Variants in ENOX2 observed in about 807,000 individuals in gnomAD.
ENOX2 encodes the protein ecto-NOX disulfide-thiol exchanger 2.
In ENOX2, 36 loss-of-function variants were observed where a neutral mutation model predicts 45.0. The observed-to-expected ratio is 0.80, with a 90% CI of 0.61 to 1.06. The LOEUF is 1.06. ENOX2 is among the 50% of genes least tolerant of loss of function. The probability of loss-of-function intolerance (pLI) is 0.00; values close to 1 mark genes in which losing one functional copy is unlikely to be tolerated. For missense variants in ENOX2, 423 were observed against 462.5 expected (o/e 0.91, Z 0.78); for synonymous variants, 174 against 152.3 (o/e 1.14, Z -1.05).
At chrX:130,727,753 A>T (rs1466140518) in intron 3 of ENOX2, among the ~76,000 whole-genome samples, 1 of 111,977 alleles carries the variant, frequency 8.9e-6, no homozygotes, top group Non-Finnish European at 1.9e-5. Flanking sequence ...AGCAGGATGT[A>T]GTTAGAGGTG....
At chrX:130,676,754 C>T (rs192566485) in intron 6 of ENOX2, among the ~76,000 whole-genome samples, 22 of 111,586 alleles carry the variant, frequency 2.0e-4, no homozygotes, top group Non-Finnish European at 1.3e-4. Flanking sequence ...ATGTTACCAG[C>T]CTACTTTTTC....
At chrX:130,834,250 C>G (rs1454275291) in intron 2 of ENOX2, among the ~76,000 whole-genome samples, 4 of 111,450 alleles carry the variant, frequency 3.6e-5, no homozygotes, top group Non-Finnish European at 7.5e-5. Flanking sequence ...CTCAGGTACT[C>G]AGGCACATCC....
intron 3 of ENOX2, among the ~76,000 whole-genome samples, chrX:130,748,613 G>A (rs1336609116): frequency 8.9e-6 from 1 of 111,927 alleles, no homozygotes; most frequent in Non-Finnish European, 1.9e-5. Flanking sequence ...GATTCCATTG[G>A]GGGACATTTG....
At chrX:130,703,956 A>G (rs1603311455) in intron 3 of ENOX2, among the ~76,000 whole-genome samples, 1 of 111,934 alleles carries the variant, frequency 8.9e-6, no homozygotes, top group East Asian at 2.8e-4. Context: ...ACCTCTGTTG[A>G]ACACTTACTG....
chrX:130,859,696 A>G (rs1194125469), intron 2 of ENOX2, among the ~76,000 whole-genome samples: 1 of 112,115 alleles, frequency 8.9e-6, no homozygotes, highest in Non-Finnish European at 1.9e-5. Flanking sequence ...TGTTTGAAAC[A>G]TAAATGTCTG....
At chrX:130,667,876 A>G (rs2036878278) in intron 7 of ENOX2, 134 bp from the exon 8 acceptor site, 1 of 464,590 alleles carries the variant, frequency 2.2e-6, no homozygotes, top group Admixed American at 3.6e-5. Flanking sequence ...GGAGCCACAC[A>G]TACACACATG....
Position 130,669,987 on chromosome X carries a change from G to A in ENOX2, c.672C>T (p.Ser224=), listed in dbSNP as rs2036935515. 1 of 1,202,903 alleles carries A rather than the reference G, an allele frequency of 8.3e-7. No individual in the cohort carries two copies. Among genetic ancestry groups the A allele is most frequent in the Admixed American group, 2.2e-5 (1 of 45,871 alleles). ...TACCTTTTAATTTTTCAGCAACAAT[G>A]CTGCATTCATGATCTGAATAGTGGA... ...PVVHYSDHEC[S]IVAEKLKDDS... The change falls in exon 7 of 15, where the codon AGC becomes AGT. Residue 224 remains serine (S), a synonymous_variant. Transcript: ENST00000394363.
chrX:130,819,868 A>G (rs2077564889), intron 2 of ENOX2, among the ~76,000 whole-genome samples: 2 of 112,033 alleles, frequency 1.8e-5, no homozygotes, highest in African/African-American at 6.5e-5. Context: ...TAATTAAAAA[A>G]GAAAAACAAA....
At chrX:130,855,083 C>G (rs2078284396) in intron 2 of ENOX2, among the ~76,000 whole-genome samples, 1 of 111,142 alleles carries the variant, frequency 9.0e-6, no homozygotes. Context: ...GAAAAGGAAA[C>G]AAAAGGCATA....
At chrX:130,661,058 A>G (rs1469231378) in intron 9 of ENOX2, among the ~76,000 whole-genome samples, 1 of 112,451 alleles carries the variant, frequency 8.9e-6, no homozygotes, top group African/African-American at 3.2e-5. Flanking sequence ...TTACACATTA[A>G]TTATCTAACT....
chrX:130,889,876 G>A (rs1030247879), intron 2 of ENOX2, among the ~76,000 whole-genome samples: 8 of 112,519 alleles, frequency 7.1e-5, no homozygotes, highest in African/African-American at 2.6e-4. Context: ...ATTCTCCAGA[G>A]GCCTCATCCC....
At chrX:130,831,837 C>T (rs1030715542) in intron 2 of ENOX2, among the ~76,000 whole-genome samples, 4 of 111,380 alleles carry the variant, frequency 3.6e-5, no homozygotes, top group African/African-American at 1.3e-4. Context: ...CAATATCTAG[C>T]AGAGTATCTA....
At chrX:130,892,270 A>T (rs1234834970) in intron 2 of ENOX2, among the ~76,000 whole-genome samples, 1 of 112,497 alleles carries the variant, frequency 8.9e-6, no homozygotes. Flanking sequence ...ACTAACTTGC[A>T]TCTTATGGTA....
At chrX:130,755,765 T>C (rs1176876828) in intron 3 of ENOX2, among the ~76,000 whole-genome samples, 2 of 111,269 alleles carry the variant, frequency 1.8e-5, no homozygotes, top group Non-Finnish European at 3.8e-5. Context: ...AATTTTTAAA[T>C]GTACAATTAA....
intron 7 of ENOX2, among the ~76,000 whole-genome samples, chrX:130,668,899 A>T (rs1038020546): frequency 8.9e-5 from 10 of 112,114 alleles, no homozygotes; most frequent in African/African-American, 2.9e-4. Flanking sequence ...GTGTTGTGTG[A>T]CTAGGCAAGT....
intron 2 of ENOX2, among the ~76,000 whole-genome samples, chrX:130,874,105 C>T (rs780283142): frequency 9.0e-6 from 1 of 111,707 alleles, no homozygotes; most frequent in East Asian, 2.8e-4. Flanking sequence ...CATACAGTAC[C>T]AGCTTTCTAC....
chrX:130,859,612 C>T, intron 2 of ENOX2, among the ~76,000 whole-genome samples: 1 of 111,714 alleles, frequency 9.0e-6, no homozygotes, highest in Non-Finnish European at 1.9e-5. Context: ...CCATGGAAGA[C>T]AAAAGCAGCA....
intron 10 of ENOX2, chrX:130,646,095 T>C: frequency 1.8e-6 from 1 of 541,720 alleles, no homozygotes; most frequent in Non-Finnish European, 3.4e-6. Flanking sequence ...AAATGGCTGC[T>C]GAGTACTGTG....
intron 2 of ENOX2, among the ~76,000 whole-genome samples, chrX:130,858,397 T>C (rs1164137748): frequency 1.8e-5 from 2 of 111,135 alleles, no homozygotes; most frequent in Non-Finnish European, 3.8e-5. Context: ...AGATTACAGA[T>C]GTGAGCCACA....
Sources: gnomAD v4.1 joint callset for allele counts (sites outside exome capture counted in the v4.1 genomes callset) on GRCh38, gnomAD v4.1.1 for gene constraint, MANE v1.5 for transcripts, NCBI Gene and HGNC (gene_info 2026-07-23, HGNC 2026-07-21) for gene names.